The following PCDHGB2 variants were observed in gnomAD, a reference collection of about 807,000 sequenced individuals.
PCDHGB2 encodes the protein protocadherin gamma-B2.
Under a neutral mutation model 59.3 loss-of-function variants are expected in PCDHGB2, and 55 were observed. The ratio of observed to expected loss-of-function variants is 0.93; its 90% CI spans 0.75 to 1.16. The LOEUF (loss-of-function observed/expected upper bound fraction) is 1.16. Ranked by LOEUF, PCDHGB2 falls within the 50% of genes most tolerant of loss-of-function variation. The pLI is 0.00. For missense variants in PCDHGB2, 1,228 were observed against 1,198.5 expected (o/e 1.02, Z -0.36); for synonymous variants, 516 against 512.0 (o/e 1.01, Z -0.11).
At chr5:141,495,499 C>T (rs918858395) in intron 2 of PCDHGB2, among the ~76,000 whole-genome samples, 13 of 152,162 alleles carry the variant, frequency 8.5e-5, no homozygotes, top group African/African-American at 2.9e-4. Context: ...CTTGAGTTTC[C>T]GTCTTTGCCA....
At chr5:141,475,512 C>A (rs2099364350) in intron 1 of PCDHGB2, among the ~76,000 whole-genome samples, 2 of 152,326 alleles carry the variant, frequency 1.3e-5, no homozygotes, top group South Asian at 4.1e-4. Context: ...AATGTCTCCA[C>A]GGAAATGCTA....
intron 1 of PCDHGB2, chr5:141,377,067 G>A (rs1202945515): frequency 6.6e-6 from 1 of 152,572 alleles, no homozygotes; most frequent in Non-Finnish European, 1.5e-5. Context: ...CCTTTGCAGA[G>A]AGTCACATAA....
chr5:141,392,268 A>G (rs2150475407), intron 1 of PCDHGB2: 1 of 152,374 alleles, frequency 6.6e-6, no homozygotes, highest in South Asian at 2.1e-4. Context: ...GACATTTACA[A>G]TAAAGCTTAG....
In PCDHGB2 at chr5:141,431,955, GA is replaced by G; in HGVS notation, c.2422-62849del. ...CCCTTTAAATTAGAAAAATCTTACG[GA>G]AATTACTATAGTTTAGTCACAGACA... On this transcript the variant is annotated intron_variant, in intron 1 of 3. Coordinates refer to ENST00000522605, the MANE Select transcript of PCDHGB2 (RefSeq NM_018923.3). The surrounding 1 kb of genome is among the most constrained non-coding windows in gnomAD (Gnocchi z 4.8). The G allele has an allele frequency of 6.2e-7, 1 of 1,614,142 alleles. No homozygotes were observed. Among genetic ancestry groups the G allele is most frequent in the Non-Finnish European group, 8.5e-7 (1 of 1,180,024 alleles).
intron 1 of PCDHGB2, among the ~76,000 whole-genome samples, chr5:141,363,849 A>C (rs1476052726): frequency 6.6e-6 from 1 of 152,206 alleles, no homozygotes; most frequent in African/African-American, 2.4e-5. Flanking sequence ...AATTTAATGG[A>C]CTAAATATAG....
chr5:141,422,018 T>C, intron 1 of PCDHGB2: 1 of 1,610,840 alleles, frequency 6.2e-7, no homozygotes, highest in Non-Finnish European at 8.5e-7. Context: ...CGGGTGCTGA[T>C]GGTTAATGCA....
At chr5:141,399,808 C>A in intron 1 of PCDHGB2, 1 of 1,613,208 alleles carries the variant, frequency 6.2e-7, no homozygotes, top group Non-Finnish European at 8.5e-7. Flanking sequence ...GGTGCTGTAC[C>A]CCGCGCTGGG....
At chr5:141,475,902 C>T (rs1296545944) in intron 1 of PCDHGB2, 1 of 576,594 alleles carries the variant, frequency 1.7e-6, no homozygotes, top group Non-Finnish European at 3.0e-6. Context: ...GTGCCGCTGT[C>T]GGCCAATGAA....
chr5:141,422,355 T>A, intron 1 of PCDHGB2: 1 of 1,557,416 alleles, frequency 6.4e-7, no homozygotes, highest in Non-Finnish European at 8.6e-7. Flanking sequence ...AAGATCAAGA[T>A]TCTGGAGAAA....
intron 1 of PCDHGB2, chr5:141,441,529 A>C (rs1042479748): frequency 4.6e-5 from 8 of 172,366 alleles, no homozygotes; most frequent in African/African-American, 1.9e-4. Flanking sequence ...GGCCAAGAAC[A>C]ATCTTCCCAA....
chr5:141,466,552 G>C lies in PCDHGB2; in HGVS notation c.2422-28255G>C, dbSNP rs913019489. On this transcript the variant is annotated intron_variant, in intron 1 of 3. Coordinates refer to ENST00000522605, the MANE Select transcript of PCDHGB2 (RefSeq NM_018923.3). ...ATTGATGTAGATGGTCTTTTGCTGTGGGCTTCATCTTCAACATTGTCTCAT... is the reference window on the plus strand; with the variant it reads ...ATTGATGTAGATGGTCTTTTGCTGTCGGCTTCATCTTCAACATTGTCTCAT... 2.6e-5 allele frequency among the ~76,000 whole-genome samples: 4 copies of C among 152,144 alleles called. No homozygotes were observed. The South Asian group carries it at 8.3e-4, about 32-fold the overall frequency.
chr5:141,452,088 AAG>A (rs1200732162), intron 1 of PCDHGB2, among the ~76,000 whole-genome samples: 2 of 152,206 alleles, frequency 1.3e-5, no homozygotes, highest in African/African-American at 4.8e-5. Flanking sequence ...ATTATACAGT[AAG>A]AAAGAGCTTT....
At chr5:141,474,361 T>C (rs2099347915) in intron 1 of PCDHGB2, among the ~76,000 whole-genome samples, 2 of 152,210 alleles carry the variant, frequency 1.3e-5, no homozygotes, top group South Asian at 2.1e-4. Context: ...CATGTCTCAG[T>C]AGGTCTAGAG....
At chr5:141,474,997 A>C (rs2154572220) in intron 1 of PCDHGB2, among the ~76,000 whole-genome samples, 1 of 152,376 alleles carries the variant, frequency 6.6e-6, no homozygotes, top group African/African-American at 2.4e-5. Flanking sequence ...ACAATTCTAA[A>C]TGCAGAAAAG....
At chr5:141,428,100 G>A (rs1313410784) in intron 1 of PCDHGB2, 6 of 1,608,582 alleles carry the variant, frequency 3.7e-6, no homozygotes, top group East Asian at 2.2e-5. Context: ...GTCCTACCAC[G>A]TGCTGCAGGC....
At chr5:141,418,349 A>G in intron 1 of PCDHGB2, 1 of 1,614,016 alleles carries the variant, frequency 6.2e-7, no homozygotes, top group South Asian at 1.1e-5. Context: ...TGATATTAGT[A>G]TGAATTCGCT....
intron 1 of PCDHGB2, chr5:141,421,969 T>C (rs1039340340): frequency 1.2e-6 from 2 of 1,611,188 alleles, no homozygotes; most frequent in Admixed American, 1.7e-5. Flanking sequence ...ACAGTCCGTA[T>C]ATCGCGTGAG....
intron 1 of PCDHGB2, chr5:141,366,804 T>TTC: frequency 9.6e-6 from 15 of 1,561,826 alleles, no homozygotes; most frequent in Non-Finnish European, 1.3e-5. Flanking sequence ...TTGTTTCCTT[T>TTC]TTCATGTTTC....
At chr5:141,368,971 T>G (rs1220013260) in intron 1 of PCDHGB2, among the ~76,000 whole-genome samples, 3 of 152,208 alleles carry the variant, frequency 2.0e-5, no homozygotes, top group Non-Finnish European at 4.4e-5. Context: ...GCTATAATGC[T>G]TTTCCACTAT....
Sources: allele counts gnomAD v4.1 joint callset (sites outside exome capture counted in the v4.1 genomes callset), GRCh38; gene constraint gnomAD v4.1.1; non-coding constraint Gnocchi (gnomAD v3.1); transcripts MANE v1.5; gene names NCBI Gene and HGNC (gene_info 2026-07-23, HGNC 2026-07-21).